Variants in FRYL observed in about 807,000 individuals in gnomAD.
FRYL encodes protein furry homolog-like.
In FRYL, 150 loss-of-function variants were observed where a neutral mutation model predicts 351.2. The ratio of observed to expected loss-of-function variants is 0.43; its 90% CI spans 0.37 to 0.49. The LOEUF (loss-of-function observed/expected upper bound fraction) is 0.49. FRYL is among the 20% of genes least tolerant of loss of function. FRYL has a pLI of 0.00. For missense variants in FRYL, 3,036 were observed against 3,619.3 expected (o/e 0.84, Z 4.13); for synonymous variants, 1,153 against 1,257.1 (o/e 0.92, Z 1.75).
intron 3 of FRYL, among the ~76,000 whole-genome samples, chr4:48,649,726 T>C (rs1187536987): frequency 6.6e-6 from 1 of 152,236 alleles, no homozygotes; most frequent in African/African-American, 2.4e-5. Context: ...TGTCACTTCA[T>C]TGTTGTTACT....
chr4:48,604,780 G>A (rs1459510614), intron 11 of FRYL, among the ~76,000 whole-genome samples: 3 of 152,098 alleles, frequency 2.0e-5, no homozygotes, highest in Non-Finnish European at 4.4e-5. Context: ...TAATAAACCT[G>A]GACACAAAAG....
At chr4:48,772,548 A>AT (rs1775619024) in intron 1 of FRYL, among the ~76,000 whole-genome samples, 1 of 152,190 alleles carries the variant, frequency 6.6e-6, no homozygotes, top group Admixed American at 6.5e-5. Flanking sequence ...TTTAACCAGT[A>AT]TTATAGATGG....
rs1377960934 is a variant in FRYL at position 48,590,734 on chromosome 4, G to A, written c.1432C>T (p.Pro478Ser). The A allele has an allele frequency of 6.2e-7, 1 of 1,612,898 alleles. No homozygotes were observed. Among genetic ancestry groups the A allele is most frequent in the East Asian group, 2.2e-5 (1 of 44,850 alleles). Residue 478 changes from proline to serine, a missense_variant, in exon 17 of 64, where the codon CCC becomes TCC. Pro to Ser is a moderately conservative substitution (Grantham distance 74, BLOSUM62 -1). Coordinates refer to ENST00000358350, the MANE Select transcript of FRYL (RefSeq NM_015030.2). ...TTTACACGAAGAGTATTTCCTGAGGGAAGAATAACTCCTGTTGTTGGCATG... is the reference window on the plus strand; with the variant it reads ...TTTACACGAAGAGTATTTCCTGAGGAAAGAATAACTCCTGTTGTTGGCATG... Reference protein sequence around the residue: ...PPMPTTGVILPSGNTLRVKKI... With the variant: ...PPMPTTGVILSSGNTLRVKKI...
At position 48,549,685 on chromosome 4, in the gene FRYL, C is replaced by G; in HGVS notation, c.4634-62G>C. ...TAATTTCTGCCAATATAAGCAAACT[C>G]TAGTAAGATCCCAACTATTTATATA... On this transcript the variant is annotated intron_variant, in intron 38 of 63. Coordinates refer to ENST00000358350, the MANE Select transcript of FRYL (RefSeq NM_015030.2). The surrounding 1 kb of genome is among the most constrained non-coding windows in gnomAD (Gnocchi z 4.2). 1 of 1,343,330 alleles carries G rather than the reference C, an allele frequency of 7.4e-7. No individual in the cohort carries two copies. The highest frequency in any genetic ancestry group is 2.4e-5 in the East Asian group (1 of 42,170). The allele number at this position is 1,343,330 out of a possible 1,614,324, so 83.2% of individuals were successfully genotyped here. A position where few individuals can be genotyped will look rare whatever the true frequency, so the allele number is the denominator to read the frequency against.
intron 3 of FRYL, among the ~76,000 whole-genome samples, chr4:48,666,565 TCA>T (rs1250197552): frequency 2.0e-5 from 3 of 152,108 alleles, no homozygotes; most frequent in African/African-American, 7.2e-5. Flanking sequence ...AAAGCTAACT[TCA>T]TAATCTTAAT....
chr4:48,633,522 C>T (rs1011789881), intron 4 of FRYL, among the ~76,000 whole-genome samples: 10 of 152,218 alleles, frequency 6.6e-5, no homozygotes, highest in African/African-American at 1.2e-4. Context: ...GCTTAAGGTA[C>T]GCAAACGAAA....
In FRYL at chr4:48,747,214, G is replaced by C. The variant is rs558085086; in HGVS notation, c.-384+32864C>G. ...GAGAAGTAACAACATTCTTGCATTT[G>C]TAATTCATATGCTGAGGACTTAATA... is the stretch of plus-strand genomic sequence containing the variant. On this transcript the variant is annotated intron_variant, in intron 1 of 63. Coordinates refer to ENST00000358350, the MANE Select transcript of FRYL (RefSeq NM_015030.2). Among the ~76,000 whole-genome samples, 168 of 150,244 alleles carry C rather than the reference G, an allele frequency of 1.1e-3. 1 individual carries two copies. The highest frequency in any genetic ancestry group is 4.0e-3 in the African/African-American group (163 of 41,180).
At chr4:48,663,130 GTAATTAACAATGAACATTTGGGTT>G (rs1258353280) in intron 3 of FRYL, among the ~76,000 whole-genome samples, 1 of 151,874 alleles carries the variant, frequency 6.6e-6, no homozygotes, top group African/African-American at 2.4e-5. Flanking sequence ...TAAAGTAAAA[GTAATTAACAATGAACATTTGGGTT>G]TATAATATAT....
intron 2 of FRYL, among the ~76,000 whole-genome samples, chr4:48,694,361 A>T (rs142226212): frequency 0.012 from 1,838 of 152,030 alleles, 11 homozygotes; most frequent in Non-Finnish European, 0.02. Context: ...GGAATGGCGC[A>T]ATCTCAATTC....
intron 1 of FRYL, among the ~76,000 whole-genome samples, chr4:48,769,877 T>C (rs1350298754): frequency 2.0e-5 from 3 of 151,458 alleles, no homozygotes; most frequent in Admixed American, 6.6e-5. Context: ...AATGATAGAG[T>C]GAAAAGAGAA....
chr4:48,523,136 C>G, intron 53 of FRYL, 32 bp from the exon 54 acceptor site: 2 of 1,433,712 alleles, frequency 1.4e-6, no homozygotes, highest in Non-Finnish European at 9.8e-7. Flanking sequence ...TCTAAAACCT[C>G]AAATACATGC....
chr4:48,647,413 G>T (rs1578510007), intron 3 of FRYL, among the ~76,000 whole-genome samples: 1 of 152,116 alleles, frequency 6.6e-6, no homozygotes, highest in East Asian at 1.9e-4. Context: ...CAGTCACCTG[G>T]CCCATTTGGA....
rs546063958 is a variant in FRYL, at chr4:48,686,322, T to C, written c.-203-1527A>G. The stretch of plus-strand genomic sequence containing the variant: ...AAAGCCAAATCTTCAAAGCCAAAAA[T>C]CTGGGAAATATGAATAAAATACTAA... On this transcript the variant is annotated intron_variant, in intron 2 of 63. Coordinates refer to ENST00000358350, the MANE Select transcript of FRYL (RefSeq NM_015030.2). 2.1e-4 allele frequency among the ~76,000 whole-genome samples: 32 copies of C among 152,292 alleles called. No individual in the cohort carries two copies. The South Asian group carries it at 6.6e-3, about 32-fold the overall frequency.
At chr4:48,548,258 G>T (rs549174164) in intron 40 of FRYL, among the ~76,000 whole-genome samples, 1 of 152,266 alleles carries the variant, frequency 6.6e-6, no homozygotes, top group African/African-American at 2.4e-5. Context: ...CCACATGTTT[G>T]CTACAGAAGG....
intron 1 of FRYL, among the ~76,000 whole-genome samples, chr4:48,767,150 G>C (rs1775043658): frequency 6.6e-6 from 1 of 152,068 alleles, no homozygotes; most frequent in East Asian, 1.9e-4. Flanking sequence ...AATTCTGCAA[G>C]CTGTACAGGT....
intron 3 of FRYL, among the ~76,000 whole-genome samples, chr4:48,658,003 A>ATTTTTT (rs1046597466): frequency 6.6e-6 from 1 of 152,178 alleles, no homozygotes; most frequent in African/African-American, 2.4e-5. Flanking sequence ...CTTGCTTTAC[A>ATTTTTT]TTTTTAAGCA....
Position 48,523,034 on chromosome 4 carries a change from G to C in FRYL, c.7388C>G (p.Thr2463Ser). 1 of 1,613,830 alleles carries C rather than the reference G, an allele frequency of 6.2e-7. No individual in the cohort carries two copies. Among genetic ancestry groups the C allele is most frequent in the Non-Finnish European group, 8.5e-7 (1 of 1,179,776 alleles). Reference sequence around the variant, plus strand: ...GCACTGGTACTCCTGGAGGGATGGAGTGTCCCCTTTGTCAATACTGTCCAG... The same window carrying C: ...GCACTGGTACTCCTGGAGGGATGGACTGTCCCCTTTGTCAATACTGTCCAG... ...RSLDSIDKGD[T>S]PSLQEYQCSS... Residue 2463 changes from threonine to serine, a missense_variant, in exon 54 of 64, where the codon ACT (threonine) becomes AGT (serine). By Grantham distance (58) the Thr-to-Ser change is moderately conservative. Coordinates refer to ENST00000358350, the MANE Select transcript of FRYL (RefSeq NM_015030.2).
rs1560589204 is a variant in FRYL, at chr4:48,552,247, GTGTGTGT to G, written c.4436-676_4436-670del. Among the ~76,000 whole-genome samples the G allele has an allele frequency of 1.2e-3, 42 of 35,224 alleles. No individual in the cohort carries two copies. In the East Asian group the frequency reaches 0.019, roughly 16 times the overall value. The allele number at this position is 35,224 out of a possible 152,430, so 23.1% of individuals were successfully genotyped here. A position where few individuals can be genotyped will look rare whatever the true frequency, so the allele number is the denominator to read the frequency against. On this transcript the variant is annotated intron_variant, in intron 36 of 63. Coordinates refer to ENST00000358350, the MANE Select transcript of FRYL (RefSeq NM_015030.2). The stretch of plus-strand genomic sequence containing the variant: ...ATAAATATAAACAGTCCAAAGGGGT[GTGTGTGT>G]GTGTGTGTGTGTGTGTGTGTGTGTG...
rs1738151450 is a variant in FRYL at position 48,570,821 on chromosome 4, A to G, written c.2996+6T>C. 6.3e-7 allele frequency: 1 copy of G among 1,595,676 alleles called. No homozygotes were observed. Among genetic ancestry groups the G allele is most frequent in the African/African-American group, 1.3e-5 (1 of 74,696 alleles). On this transcript the variant is annotated splice_donor_region_variant and intron_variant, in intron 27 of 63. Coordinates refer to ENST00000358350, the MANE Select transcript of FRYL (RefSeq NM_015030.2). ...AGAGTTTTAACAATGTGAATCCAAT[A>G]CTGACCTGTGACTAATGACACCAGC...
Sources: gnomAD v4.1 joint callset for allele counts (sites outside exome capture counted in the v4.1 genomes callset) on GRCh38, gnomAD v4.1.1 for gene constraint, Gnocchi (gnomAD v3.1) non-coding constraint, MANE v1.5 for transcripts, NCBI Gene and HGNC (gene_info 2026-07-23, HGNC 2026-07-21) for gene names.